PRAG1: variants seen among roughly 807,000 people sequenced by gnomAD.
The protein encoded by PRAG1 is PEAK1 related, kinase-activating pseudokinase 1, also known as inactive tyrosine-protein kinase PRAG1.
PRAG1 carries 110 observed loss-of-function variants against 95.6 expected under a neutral mutation model. That is an observed-to-expected ratio of 1.15 (90% CI 0.99 to 1.35). The LOEUF is 1.35. Among genes scored for constraint, PRAG1 ranks in the 40% most tolerant of loss-of-function variants. The pLI is 0.00. For synonymous variants in PRAG1, 1,052 were observed against 819.4 expected (o/e 1.28, Z -4.85); for missense variants, 2,554 against 1,864.7 (o/e 1.37, Z -6.81).
At chr8:8,360,014 G>C (rs966501681) in intron 3 of PRAG1, among the ~76,000 whole-genome samples, 1 of 152,086 alleles carries the variant, frequency 6.6e-6, no homozygotes, top group Admixed American at 6.5e-5. Flanking sequence ...TGAGGAACGA[G>C]CTAAATCAGC....
intron 4 of PRAG1, among the ~76,000 whole-genome samples, chr8:8,339,277 G>A (rs889355175): frequency 1.3e-5 from 2 of 152,218 alleles, no homozygotes; most frequent in African/African-American, 4.8e-5. Context: ...ATAATTTGGA[G>A]AGGGCAATAT....
chr8:8,319,824 C>A (rs949246433), intron 5 of PRAG1, among the ~76,000 whole-genome samples: 6 of 152,118 alleles, frequency 3.9e-5, no homozygotes, highest in Non-Finnish European at 8.8e-5. Context: ...TTGTAAATGG[C>A]CACAAGCATG....
chr8:8,372,685 G>T (rs1000081880), intron 3 of PRAG1, among the ~76,000 whole-genome samples: 4 of 152,202 alleles, frequency 2.6e-5, no homozygotes, highest in African/African-American at 9.7e-5. Flanking sequence ...TCAGGAACAC[G>T]AATGGGAGTT....
At chr8:8,368,534 AC>A (rs994660311) in intron 3 of PRAG1, among the ~76,000 whole-genome samples, 15 of 152,216 alleles carry the variant, frequency 9.9e-5, no homozygotes, top group African/African-American at 2.9e-4. Context: ...TGGTCTATCA[AC>A]CCTGATAGAA....
At chr8:8,339,424 G>T (rs1223380102) in intron 4 of PRAG1, 54 bp downstream of exon 4, 2 of 1,587,732 alleles carry the variant, frequency 1.3e-6, no homozygotes, top group East Asian at 4.5e-5. Context: ...ACGCAGGACT[G>T]GTCTTGAAGG....
chr8:8,355,015 A>G (rs1169196553), intron 3 of PRAG1, among the ~76,000 whole-genome samples: 2 of 152,224 alleles, frequency 1.3e-5, no homozygotes, highest in East Asian at 1.9e-4. Context: ...ATAATCTTGT[A>G]TGTGGAAAAT....
intron 1 of PRAG1, among the ~76,000 whole-genome samples, chr8:8,385,211 T>G (rs1304979821): frequency 6.6e-6 from 1 of 152,196 alleles, no homozygotes; most frequent in Non-Finnish European, 1.5e-5. Context: ...GTGTGGAAAG[T>G]GTCTGAACTT....
intron 3 of PRAG1, among the ~76,000 whole-genome samples, chr8:8,343,259 T>A (rs954613454): frequency 2.0e-4 from 30 of 148,198 alleles, no homozygotes; most frequent in African/African-American, 7.7e-4. Context: ...AAATAGGAAC[T>A]CTCTCACACT....
At chr8:8,358,429 C>T (rs1401385160) in intron 3 of PRAG1, among the ~76,000 whole-genome samples, 1 of 152,182 alleles carries the variant, frequency 6.6e-6, no homozygotes, top group Non-Finnish European at 1.5e-5. Context: ...TCAACTTAAC[C>T]TTCAGCCTCT....
chr8:8,355,077 G>C (rs529519737), intron 3 of PRAG1, among the ~76,000 whole-genome samples: 1 of 124,748 alleles, frequency 8.0e-6, no homozygotes, highest in South Asian at 2.7e-4. Flanking sequence ...AAAGTTGCAG[G>C]ATAGAAGATC....
intron 3 of PRAG1, among the ~76,000 whole-genome samples, chr8:8,372,318 C>T (rs1401679716): frequency 1.3e-5 from 2 of 152,192 alleles, no homozygotes; most frequent in East Asian, 3.8e-4. Context: ...CCATGCCTGG[C>T]CAAATTGCCA....
At chr8:8,374,080 G>C (rs145288131) in intron 3 of PRAG1, among the ~76,000 whole-genome samples, 16 of 152,342 alleles carry the variant, frequency 1.1e-4, no homozygotes, top group African/African-American at 3.1e-4. Context: ...TCAGCAGCCT[G>C]GGTGGCTTCT....
chr8:8,381,748 C>T lies in PRAG1; in HGVS notation c.-1G>A, dbSNP rs747316793. On this transcript the variant is annotated 5_prime_UTR_variant, in exon 2 of 6. Coordinates refer to ENST00000615670, the MANE Select transcript of PRAG1 (RefSeq NM_001080826.3). ...GGTTCAGGCAGAGGGTCTGGTGCAT[C>T]TTGAGCCGACAGGGTGCTGGTTCAT... The T allele has an allele frequency of 6.4e-7, 1 of 1,573,172 alleles. No homozygotes were observed. The highest frequency in any genetic ancestry group is 1.2e-5 in the South Asian group (1 of 85,266).
At chr8:8,367,606 C>G (rs1374184032) in intron 3 of PRAG1, among the ~76,000 whole-genome samples, 1 of 150,470 alleles carries the variant, frequency 6.6e-6, no homozygotes, top group East Asian at 2.0e-4. Context: ...ACTACTATGT[C>G]AATTTATCTC....
intron 3 of PRAG1, among the ~76,000 whole-genome samples, chr8:8,356,794 A>T (rs1338418504): frequency 6.6e-6 from 1 of 152,216 alleles, no homozygotes; most frequent in Non-Finnish European, 1.5e-5. Context: ...ACTGATACAA[A>T]ACTACAGTAA....
At chr8:8,335,547 TA>T (rs147426243) in intron 4 of PRAG1, among the ~76,000 whole-genome samples, 1,765 of 151,538 alleles carry the variant, frequency 0.012, 12 homozygotes, top group African/African-American at 0.021. Context: ...TGAATTTTTA[TA>T]AAAAAAAAGT....
At chr8:8,323,448 G>T (rs776236572) in intron 5 of PRAG1, among the ~76,000 whole-genome samples, 3 of 151,972 alleles carry the variant, frequency 2.0e-5, no homozygotes, top group Non-Finnish European at 2.9e-5. Flanking sequence ...CTCCCAAGTG[G>T]CTGGGATTAC....
chr8:8,328,556 G>C (rs896635412), intron 4 of PRAG1, 95 bp from the exon 5 acceptor site: 1 of 1,281,274 alleles, frequency 7.8e-7, no homozygotes, highest in Non-Finnish European at 1.0e-6. Flanking sequence ...TTATTTATTT[G>C]GTCAGAGCAA....
intron 4 of PRAG1, among the ~76,000 whole-genome samples, chr8:8,333,256 C>A (rs966718615): frequency 4.6e-5 from 7 of 152,184 alleles, no homozygotes; most frequent in Non-Finnish European, 8.8e-5. Flanking sequence ...GCTAATTGGG[C>A]CAGAGGGCTC....
Sources: allele counts gnomAD v4.1 joint callset (sites outside exome capture counted in the v4.1 genomes callset), GRCh38; gene constraint gnomAD v4.1.1; transcripts MANE v1.5; gene names NCBI Gene and HGNC (gene_info 2026-07-23, HGNC 2026-07-21).